KLRG2: variants seen among roughly 807,000 people sequenced by gnomAD.
KLRG2 encodes the protein killer cell lectin like receptor G2.
In KLRG2, 39 loss-of-function variants were observed where a neutral mutation model predicts 35.4. The ratio of observed to expected loss-of-function variants is 1.10; its 90% confidence interval spans 0.85 to 1.44. The LOEUF (loss-of-function observed/expected upper bound fraction) is 1.44. KLRG2 is among the 40% of genes most tolerant of loss of function. The pLI, the probability that KLRG2 is intolerant of heterozygous loss-of-function variation, is 0.00. For synonymous variants in KLRG2, 283 were observed against 265.8 expected (o/e 1.06, Z -0.63); for missense variants, 632 against 570.9 (o/e 1.11, Z -1.09).
At position 139,463,510 on chromosome 7, in the gene KLRG2, AAGCCAC is replaced by A. The variant is rs553659756; in HGVS notation, c.1006-9302_1006-9297del. On this transcript the variant is annotated intron_variant, in intron 3 of 4. Transcript: ENST00000340940. ...CAAAATGCCTAAGCCGCGCACACCT[AAGCCAC>A]AGCGGCCAGGCGTTCCTACAGGACT... Among the ~76,000 whole-genome samples the A allele has an allele frequency of 2.0e-3, 310 of 152,308 alleles. 2 individuals are homozygous for A. The highest frequency in any genetic ancestry group is 0.014 in the Middle Eastern group (4 of 294).
At chr7:139,470,424 G>T (rs2116461521) in intron 3 of KLRG2, among the ~76,000 whole-genome samples, 1 of 152,250 alleles carries the variant, frequency 6.6e-6, no homozygotes, top group Non-Finnish European at 1.5e-5. Context: ...CTGGCCTTAT[G>T]TGGAAATACA....
chr7:139,451,515 T>C (rs1421673877), downstream of KLRG2, among the ~76,000 whole-genome samples: 2 of 151,870 alleles, frequency 1.3e-5, no homozygotes, highest in African/African-American at 2.4e-5. Context: ...AAATTTTTTT[T>C]TTTGTTATAA....
chr7:139,465,264 C>T (rs183917449), intron 3 of KLRG2, among the ~76,000 whole-genome samples: 43 of 152,350 alleles, frequency 2.8e-4, no homozygotes, highest in Middle Eastern at 3.4e-3. Flanking sequence ...TTTATATTGA[C>T]TTTAAATATG....
chr7:139,432,883 G>T, the KLRG2 span, among the ~76,000 whole-genome samples: 1 of 151,728 alleles, frequency 6.6e-6, no homozygotes, highest in African/African-American at 2.4e-5. Context: ...TGAATTCACC[G>T]ACGCAGAATC....
downstream of KLRG2, among the ~76,000 whole-genome samples, chr7:139,451,913 G>A (rs548856796): frequency 5.3e-5 from 8 of 151,134 alleles, 1 homozygote; most frequent in South Asian, 1.5e-3. Flanking sequence ...TTTGATTGGC[G>A]CCTGCCCCAC....
At chr7:139,433,782 C>T in the KLRG2 span, among the ~76,000 whole-genome samples, 2 of 151,788 alleles carry the variant, frequency 1.3e-5, no homozygotes, top group Non-Finnish European at 2.9e-5. Flanking sequence ...ATTACAGGTG[C>T]CTGCAACTAC....
At chr7:139,454,835 AAT>A (rs1491039253) in intron 3 of KLRG2, among the ~76,000 whole-genome samples, 1 of 75,846 alleles carries the variant, frequency 1.3e-5, no homozygotes, top group Non-Finnish European at 2.2e-5. Flanking sequence ...TAATAATAAT[AAT>A]AATAATAATA....
chr7:139,446,775 A>C, the KLRG2 span, among the ~76,000 whole-genome samples: 2 of 151,724 alleles, frequency 1.3e-5, no homozygotes, highest in South Asian at 2.1e-4. Flanking sequence ...TCCTCCTCCG[A>C]CATCGGCTTC....
At chr7:139,444,695 T>C in the KLRG2 span, among the ~76,000 whole-genome samples, 1 of 152,202 alleles carries the variant, frequency 6.6e-6, no homozygotes, top group African/African-American at 2.4e-5. Context: ...TTCTGTGATT[T>C]ATGTTTACCT....
the KLRG2 span, among the ~76,000 whole-genome samples, chr7:139,445,793 G>GTATATATATATA: frequency 6.0e-4 from 57 of 95,480 alleles, 2 homozygotes; most frequent in African/African-American, 3.4e-3. Flanking sequence ...ATATATATAT[G>GTATATATATATA]TGTGTATATA....
downstream of KLRG2, among the ~76,000 whole-genome samples, chr7:139,451,023 A>G (rs1796369259): frequency 6.6e-6 from 1 of 152,212 alleles, no homozygotes; most frequent in Non-Finnish European, 1.5e-5. Flanking sequence ...AGGAGAACTA[A>G]GGCCCCAGCT....
At chr7:139,445,093 T>C in the KLRG2 span, among the ~76,000 whole-genome samples, 5 of 151,996 alleles carry the variant, frequency 3.3e-5, no homozygotes, top group African/African-American at 1.2e-4. Flanking sequence ...TTTTTTTTTT[T>C]TTCGAGTTGG....
downstream of KLRG2, among the ~76,000 whole-genome samples, chr7:139,451,180 AG>A (rs1796370783): frequency 6.6e-6 from 1 of 152,182 alleles, no homozygotes; most frequent in South Asian, 2.1e-4. Context: ...TGGGGCAAAT[AG>A]TTGTTGCTAA....
downstream of KLRG2, chr7:139,452,604 C>T (rs1331746191): frequency 6.6e-6 from 1 of 152,180 alleles, no homozygotes; most frequent in Non-Finnish European, 1.5e-5. Flanking sequence ...GGAAGGCTGG[C>T]TTGCAAGGGC....
chr7:139,480,293 C>T lies in KLRG2; in HGVS notation c.758-46G>A, dbSNP rs572154697. 5 of 1,036,018 alleles carry T rather than the reference C, an allele frequency of 4.8e-6. No homozygotes were observed. The East Asian group carries it at 1.2e-4, about 25-fold the overall frequency. 64.2% of individuals were successfully genotyped at this position (1,036,018 alleles called of 1,614,324 possible). ...ATAATCAGATTAGTGGAGACCATCC[C>T]AACCAACCCAACTCAGAACCACAGA... is the stretch of plus-strand genomic sequence containing the variant. On this transcript the variant is annotated intron_variant, in intron 1 of 4. Coordinates refer to ENST00000340940, the MANE Select transcript of KLRG2 (RefSeq NM_198508.4).
chr7:139,447,874 C>T (rs889956608), downstream of KLRG2, among the ~76,000 whole-genome samples: 1 of 152,202 alleles, frequency 6.6e-6, no homozygotes, highest in African/African-American at 2.4e-5. Flanking sequence ...TCTGAAACAA[C>T]CTGCTGCAGC....
chr7:139,436,937 G>A, the KLRG2 span, among the ~76,000 whole-genome samples: 2 of 152,156 alleles, frequency 1.3e-5, no homozygotes, highest in African/African-American at 4.8e-5. Context: ...CACTTCACTC[G>A]GTGTCCTTGG....
the KLRG2 span, among the ~76,000 whole-genome samples, chr7:139,443,447 G>A: frequency 2.0e-5 from 3 of 152,092 alleles, no homozygotes; most frequent in African/African-American, 4.8e-5. Context: ...AAAATGACTT[G>A]ATCAACATGC....
the KLRG2 span, among the ~76,000 whole-genome samples, chr7:139,447,553 A>G: frequency 1.3e-5 from 2 of 151,474 alleles, no homozygotes; most frequent in Admixed American, 1.3e-4. Flanking sequence ...GGCGCCCACC[A>G]CCACACACTG....
Sources: gnomAD v4.1 joint callset for allele counts (sites outside exome capture counted in the v4.1 genomes callset) on GRCh38, gnomAD v4.1.1 for gene constraint, MANE v1.5 for transcripts, NCBI Gene and HGNC (gene_info 2026-07-23, HGNC 2026-07-21) for gene names.